Variants in ITPRID1 observed in about 807,000 individuals in gnomAD.
ITPRID1 encodes protein ITPRID1.
In ITPRID1, 96 loss-of-function variants were observed where a neutral mutation model predicts 95.4. The observed-to-expected ratio is 1.01, with a 90% CI of 0.85 to 1.19. The LOEUF is 1.19. ITPRID1 is among the 50% of genes most tolerant of loss of function. The pLI, the probability that ITPRID1 is intolerant of heterozygous loss-of-function variation, is 0.00. For missense variants in ITPRID1, 1,339 were observed against 1,252.9 expected (o/e 1.07, Z -1.04); for synonymous variants, 510 against 453.6 (o/e 1.12, Z -1.58).
At chr7:31,554,736 T>TA (rs1784393435) in intron 4 of ITPRID1, 122 bp from the exon 5 acceptor site, 1 of 1,038,268 alleles carries the variant, frequency 9.6e-7, no homozygotes, top group Non-Finnish European at 1.4e-6. Context: ...TATTGGTTTC[T>TA]AAAAGTCCTC....
intron 5 of ITPRID1, among the ~76,000 whole-genome samples, chr7:31,558,578 T>A (rs1784528648): frequency 6.6e-6 from 1 of 152,236 alleles, no homozygotes; most frequent in African/African-American, 2.4e-5. Context: ...GACTAGGTTC[T>A]AGAGACCTTA....
intron 10 of ITPRID1, among the ~76,000 whole-genome samples, chr7:31,585,893 G>A (rs866886028): frequency 4.0e-5 from 6 of 151,024 alleles, no homozygotes; most frequent in African/African-American, 1.5e-4. Flanking sequence ...CATTGTGCAG[G>A]TTAGTTACAT....
At position 31,578,414 on chromosome 7, in the gene ITPRID1, G is replaced by A. The variant is rs756729592; in HGVS notation, c.1150G>A (p.Asp384Asn). The change falls in exon 9 of 15, where the codon GAC becomes AAC. Residue 384 changes from aspartate to asparagine, a missense_variant. Transcript: ENST00000615280. The part of the protein sequence containing the change: ...SLSHLAGKGP[D>N]SFEMEEVQSF... Reference sequence around the variant, plus strand: ...GTCTCATCTTGCAGGCAAAGGACCAGACTCATTTGAAATGGAAGAGGTCAG... The same window carrying A: ...GTCTCATCTTGCAGGCAAAGGACCAAACTCATTTGAAATGGAAGAGGTCAG... 10 of 1,607,160 alleles carry A rather than the reference G, an allele frequency of 6.2e-6. No homozygotes were observed. The South Asian group carries it at 1.0e-4, about 16-fold the overall frequency.
chr7:31,551,825 C>A, intron 2 of ITPRID1: 1 of 368,838 alleles, frequency 2.7e-6, no homozygotes, highest in Non-Finnish European at 5.5e-6. Context: ...TTTAGGGATC[C>A]TAGAAATGCT....
chr7:31,643,646 A>G lies in ITPRID1; in HGVS notation c.2276A>G (p.Asp759Gly). The G allele has an allele frequency of 6.2e-7, 1 of 1,614,056 alleles. No homozygotes were observed. The highest frequency in any genetic ancestry group is 8.5e-7 in the Non-Finnish European group (1 of 1,179,902). The change falls in exon 12 of 15, where the codon GAT becomes GGT. Residue 759 changes from aspartate (D) to glycine (G), a missense_variant. Transcript: ENST00000615280. The part of the protein sequence containing the change: ...RLGTKARQLN[D>G]ASIQTSALSN... ...GGGACAAAAGCAAGACAGTTAAATG[A>G]TGCTTCCATTCAGACTTCAGCTCTA... is the stretch of plus-strand genomic sequence containing the variant.
In ITPRID1 at chr7:31,643,234, A is replaced by G; in HGVS notation, c.1864A>G (p.Ser622Gly). ...CTCTGAGGCCCCACGAGAAGAGGAA[A>G]GCAGTGGATTCTGTCCTCACACCAA... The part of the protein sequence containing the change: ...VDSEAPREEE[S>G]SGFCPHTNHS... The change falls in exon 12 of 15, where the codon AGC becomes GGC. Residue 622 changes from serine to glycine, a missense_variant. Ser to Gly is a moderately conservative substitution (Grantham distance 56). Transcript: ENST00000615280. 6.2e-7 allele frequency: 1 copy of G among 1,613,914 alleles called. No individual in the cohort carries two copies. The highest frequency in any genetic ancestry group is 8.5e-7 in the Non-Finnish European group (1 of 1,179,884).
chr7:31,636,997 A>T (rs1347447949), intron 10 of ITPRID1, among the ~76,000 whole-genome samples: 4 of 149,164 alleles, frequency 2.7e-5, no homozygotes, highest in African/African-American at 9.9e-5. Context: ...TTGGTTTTTC[A>T]TCCTTGCGAT....
chr7:31,643,935 A>G lies in ITPRID1; in HGVS notation c.2565A>G (p.Thr855=). 6.2e-7 allele frequency: 1 copy of G among 1,611,780 alleles called. No homozygotes were observed. The highest frequency in any genetic ancestry group is 1.3e-5 in the African/African-American group (1 of 75,010). ...CTTTGAAAGCCCTTCAGGACACTAC[A>G]GTGAGGGAGCTATGTTCCGTAAGTG... ...MTTLKALQDT[T]VRELCSCTVH... is the part of the protein sequence containing the mutation. Residue 855 remains threonine (T), a synonymous_variant, in exon 12 of 15, where the codon ACA becomes ACG. Transcript: ENST00000615280.
chr7:31,587,467 C>T (rs1785665176), intron 10 of ITPRID1, among the ~76,000 whole-genome samples: 2 of 148,982 alleles, frequency 1.3e-5, no homozygotes, highest in Non-Finnish European at 3.0e-5. Context: ...GAACTACAAA[C>T]CACTGCTCAA....
chr7:31,554,583 A>G, intron 4 of ITPRID1, 60 bp downstream of exon 4: 2 of 1,601,084 alleles, frequency 1.2e-6, no homozygotes, highest in Non-Finnish European at 1.7e-6. Flanking sequence ...CATGAAAACA[A>G]TGTGTGTAAC....
At chr7:31,644,697 C>A (rs758289578) in intron 12 of ITPRID1, among the ~76,000 whole-genome samples, 1 of 152,142 alleles carries the variant, frequency 6.6e-6, no homozygotes, top group Non-Finnish European at 1.5e-5. Context: ...CCTTCCAGTA[C>A]CTCCTTTTTA....
At chr7:31,608,791 A>C (rs1391009655) in intron 10 of ITPRID1, among the ~76,000 whole-genome samples, 1 of 151,718 alleles carries the variant, frequency 6.6e-6, no homozygotes, top group Non-Finnish European at 1.5e-5. Flanking sequence ...ATTATCTGCA[A>C]GTAGAGATAG....
At chr7:31,547,939 A>G (rs928816836) in intron 1 of ITPRID1, among the ~76,000 whole-genome samples, 1 of 152,162 alleles carries the variant, frequency 6.6e-6, no homozygotes, top group East Asian at 1.9e-4. Context: ...TTTGGGAATC[A>G]TCATTGGTTT....
At chr7:31,588,666 A>T (rs1261760478) in intron 10 of ITPRID1, among the ~76,000 whole-genome samples, 1 of 138,596 alleles carries the variant, frequency 7.2e-6, no homozygotes, top group Non-Finnish European at 1.6e-5. Flanking sequence ...GAGTTAAAAA[A>T]AATCAGAATA....
At chr7:31,557,677 T>G (rs1244133840) in intron 5 of ITPRID1, among the ~76,000 whole-genome samples, 1 of 152,180 alleles carries the variant, frequency 6.6e-6, no homozygotes, top group African/African-American at 2.4e-5. Flanking sequence ...TGCTAGATAC[T>G]ATACATACAT....
intron 5 of ITPRID1, among the ~76,000 whole-genome samples, chr7:31,557,868 C>T (rs1038879857): frequency 6.6e-6 from 1 of 152,174 alleles, no homozygotes; most frequent in Admixed American, 6.5e-5. Flanking sequence ...ACATTTACTA[C>T]ACGTGTTATG....
intron 1 of ITPRID1, among the ~76,000 whole-genome samples, chr7:31,532,383 A>C (rs557468322): frequency 2.0e-5 from 3 of 152,098 alleles, no homozygotes; most frequent in Non-Finnish European, 2.9e-5. Context: ...GGACATTCTG[A>C]AAAAGGTTGA....
rs369275747 is a variant in ITPRID1, at chr7:31,554,469, T to C, written c.164-6T>C. The C allele has an allele frequency of 1.2e-6, 2 of 1,612,130 alleles. No homozygotes were observed. The highest frequency in any genetic ancestry group is 1.7e-6 in the Non-Finnish European group (2 of 1,179,000). Reference sequence around the variant, plus strand: ...GACTAACTGATCTGTTCTTTCTTACTTGTAGAAGATTCCAAGCAAGAAAGT... The same window carrying C: ...GACTAACTGATCTGTTCTTTCTTACCTGTAGAAGATTCCAAGCAAGAAAGT... On this transcript the variant is annotated splice_polypyrimidine_tract_variant and splice_region_variant and intron_variant, in intron 3 of 14. Transcript: ENST00000615280.
At chr7:31,594,383 T>G (rs1389848491) in intron 10 of ITPRID1, among the ~76,000 whole-genome samples, 1 of 152,248 alleles carries the variant, frequency 6.6e-6, no homozygotes, top group Non-Finnish European at 1.5e-5. Context: ...ATGCACAGAT[T>G]GCTTCCAGAG....
Sources: allele counts gnomAD v4.1 joint callset (sites outside exome capture counted in the v4.1 genomes callset), GRCh38; gene constraint gnomAD v4.1.1; transcripts MANE v1.5; gene names NCBI Gene and HGNC (gene_info 2026-07-23, HGNC 2026-07-21).